ALS2CL: variants seen among roughly 807,000 people sequenced by gnomAD.
ALS2CL encodes ALS2 C-terminal-like protein.
A neutral mutation model predicts 127.9 loss-of-function variants in ALS2CL; 112 were observed. The ratio of observed to expected loss-of-function variants is 0.88; its 90% CI spans 0.75 to 1.02. The LOEUF (loss-of-function observed/expected upper bound fraction) is 1.02. ALS2CL is among the 50% of genes least tolerant of loss of function. The pLI, the probability that ALS2CL is intolerant of heterozygous loss-of-function variation, is 0.00. For missense variants in ALS2CL, 1,174 were observed against 1,236.7 expected (o/e 0.95, Z 0.76); for synonymous variants, 519 against 527.6 (o/e 0.98, Z 0.22).
At chr3:46,684,579 G>A (rs575242866) in intron 7 of ALS2CL, among the ~76,000 whole-genome samples, 106 of 152,346 alleles carry the variant, frequency 7.0e-4, no homozygotes, top group Admixed American at 1.8e-3. Context: ...CTTCCTACCC[G>A]GCCCAGTCAG....
chr3:46,671,572 C>T lies in ALS2CL; in HGVS notation c.2697G>A (p.Leu899=). 6.2e-7 allele frequency: 1 copy of T among 1,613,900 alleles called. No individual in the cohort carries two copies. The highest frequency in any genetic ancestry group is 8.5e-7 in the Non-Finnish European group (1 of 1,179,958). The stretch of plus-strand genomic sequence containing the variant: ...CACGGATCAGGTGGATCTCGGCTCC[C>T]AGGTGCTGAATTCTGGAGAACACCG... ...YVVSRARIQH[L]GAEIHLIRDM... The change falls in exon 25 of 26, where the codon CTG becomes CTA. Residue 899 remains leucine, a synonymous_variant. Transcript: ENST00000318962.
chr3:46,676,104 C>T, intron 19 of ALS2CL, 141 bp downstream of exon 19: 1 of 1,405,648 alleles, frequency 7.1e-7, no homozygotes, highest in Middle Eastern at 2.6e-4. Context: ...TTTTGCTCAG[C>T]AGCTGCACAC....
chr3:46,673,192 G>T, intron 22 of ALS2CL, 147 bp downstream of exon 22: 1 of 805,348 alleles, frequency 1.2e-6, no homozygotes, highest in Non-Finnish European at 1.9e-6. Context: ...ACACTGGGAG[G>T]TCAGAATGAC....
At chr3:46,680,630 G>T in intron 13 of ALS2CL, 89 bp from the exon 14 acceptor site, 1 of 1,142,430 alleles carries the variant, frequency 8.8e-7, no homozygotes, top group Non-Finnish European at 1.3e-6. Flanking sequence ...GGCAGGGAGT[G>T]CAGATAAGGG....
intron 1 of ALS2CL, among the ~76,000 whole-genome samples, chr3:46,693,069 C>A (rs1700258619): frequency 6.6e-6 from 1 of 152,186 alleles, no homozygotes; most frequent in Non-Finnish European, 1.5e-5. Flanking sequence ...TGAACTGTCA[C>A]ACCTGATCCC....
intron 21 of ALS2CL, among the ~76,000 whole-genome samples, chr3:46,674,118 G>C (rs1698620337): frequency 6.6e-6 from 1 of 152,212 alleles, no homozygotes; most frequent in Non-Finnish European, 1.5e-5. Flanking sequence ...CTCAGCCCAA[G>C]TGCTCAGAGC....
At chr3:46,672,878 C>T (rs903672145) in intron 22 of ALS2CL, among the ~76,000 whole-genome samples, 5 of 152,094 alleles carry the variant, frequency 3.3e-5, no homozygotes, top group South Asian at 2.1e-4. Flanking sequence ...ACTTGGCAGG[C>T]GCCTGTAATC....
chr3:46,683,949 G>A, intron 8 of ALS2CL, 40 bp downstream of exon 8: 1 of 1,612,170 alleles, frequency 6.2e-7, no homozygotes, highest in African/African-American at 1.3e-5. Flanking sequence ...TGGGGGTAAA[G>A]GGAAGAAGGC....
At chr3:46,675,772 G>A (rs767212611) in intron 19 of ALS2CL, 86 bp from the exon 20 acceptor site, 4 of 1,599,884 alleles carry the variant, frequency 2.5e-6, no homozygotes, top group Admixed American at 1.7e-5. Context: ...GCAAAAGCAG[G>A]TGGCCTCTCA....
Position 46,676,622 on chromosome 3 carries a change from C to T in ALS2CL, c.2028+20G>A, listed in dbSNP as rs745647348. The stretch of plus-strand genomic sequence containing the variant: ...ACAGTGACAATGTCACCCCCTTGGC[C>T]ACCCCAGCAGGGCTCTCACCTTCCT... On this transcript the variant is annotated intron_variant, in intron 18 of 25. Coordinates refer to ENST00000318962, the MANE Select transcript of ALS2CL (RefSeq NM_147129.5). 9 of 1,610,704 alleles carry T rather than the reference C, an allele frequency of 5.6e-6. No homozygotes were observed. The highest frequency in any genetic ancestry group is 2.2e-5 in the East Asian group (1 of 44,860).
chr3:46,684,914 C>T (rs981071653), intron 7 of ALS2CL, among the ~76,000 whole-genome samples: 18 of 152,194 alleles, frequency 1.2e-4, no homozygotes, highest in African/African-American at 4.3e-4. Context: ...AAGGGGGTTC[C>T]AGGCCAACCT....
intron 8 of ALS2CL, 21 bp downstream of exon 8, chr3:46,683,968 T>A: frequency 6.2e-7 from 1 of 1,604,914 alleles, no homozygotes. Context: ...GCCTGGGGTG[T>A]CAGCCGAGGG....
chr3:46,681,065 TCAGCGTGAC>T lies in ALS2CL; in HGVS notation c.1436+172_1436+180del. 1.0e-6 allele frequency: 1 copy of T among 994,420 alleles called. No homozygotes were observed. The highest frequency in any genetic ancestry group is 1.6e-6 in the Non-Finnish European group (1 of 641,010). 61.6% of individuals were successfully genotyped at this position (994,420 alleles called of 1,614,324 possible). On this transcript the variant is annotated intron_variant, in intron 13 of 25. Transcript: ENST00000318962. This position sits in a 1 kb window ranked among gnomAD's most constrained non-coding sequence, Gnocchi z 4.9. ...GTGAGGGGCGGGGGCGACCCTGCAGTCAGCGTGACCAAGATTCGCTCAGCCTGAGCCTCC... is the reference window on the plus strand; with the variant it reads ...GTGAGGGGCGGGGGCGACCCTGCAGTCAAGATTCGCTCAGCCTGAGCCTCC...
chr3:46,675,879 G>T, intron 19 of ALS2CL, 193 bp from the exon 20 acceptor site: 1 of 1,444,724 alleles, frequency 6.9e-7, no homozygotes. Flanking sequence ...AGCAGCAGAA[G>T]GAACTATAGC....
chr3:46,673,623 G>A (rs977785301), intron 21 of ALS2CL, among the ~76,000 whole-genome samples: 1 of 152,168 alleles, frequency 6.6e-6, no homozygotes, highest in African/African-American at 2.4e-5. Context: ...GACCAGTAGA[G>A]AGGGAGGGGT....
intron 21 of ALS2CL, 54 bp from the exon 22 acceptor site, chr3:46,673,435 G>A: frequency 1.3e-6 from 2 of 1,529,530 alleles, no homozygotes; most frequent in Non-Finnish European, 1.8e-6. Context: ...GGCAGAGTCT[G>A]AGGTCAGAGG....
chr3:46,683,130 T>A lies in ALS2CL; in HGVS notation c.1109A>T (p.Lys370Met). Residue 370 changes from lysine to methionine, a missense_variant and splice_region_variant, in exon 10 of 26, where the codon AAG (lysine) becomes ATG (methionine). Coordinates refer to ENST00000318962, the MANE Select transcript of ALS2CL (RefSeq NM_147129.5). ...GCCACCCAGAGCTCCAGCCACTCAC[T>A]TGCCGTGGGGCCGGCCCCTGCACCA... ...GEWCRGRPHG[K>M]GTLKWPDGRN... The A allele has an allele frequency of 6.4e-7, 1 of 1,558,514 alleles. No homozygotes were observed. The highest frequency in any genetic ancestry group is 8.7e-7 in the Non-Finnish European group (1 of 1,154,328).
chr3:46,672,335 G>A (rs1342396173), intron 22 of ALS2CL, 134 bp from the exon 23 acceptor site: 1 of 1,134,628 alleles, frequency 8.8e-7, no homozygotes, highest in Non-Finnish European at 1.3e-6. Flanking sequence ...CCACCCTGAG[G>A]GCTGAGTGAC....
chr3:46,671,345 C>CT, intron 25 of ALS2CL, 143 bp downstream of exon 25: 2 of 1,381,518 alleles, frequency 1.4e-6, no homozygotes, highest in Non-Finnish European at 1.9e-6. Context: ...ATCAGGGACA[C>CT]TGTGAGGACC....
Sources: gnomAD v4.1 joint callset for allele counts (sites outside exome capture counted in the v4.1 genomes callset) on GRCh38, gnomAD v4.1.1 for gene constraint, Gnocchi (gnomAD v3.1) non-coding constraint, MANE v1.5 for transcripts, NCBI Gene and HGNC (gene_info 2026-07-23, HGNC 2026-07-21) for gene names.